The following CTIF variants were observed in gnomAD, a reference collection of about 807,000 sequenced individuals.
CTIF encodes CBP80/20-dependent translation initiation factor.
A neutral mutation model predicts 66.0 loss-of-function variants in CTIF; 21 were observed. The observed-to-expected ratio is 0.32, with a 90% CI of 0.23 to 0.46. The LOEUF is 0.46. CTIF is among the 20% of genes least tolerant of loss of function. CTIF has a pLI of 1.00. For synonymous variants in CTIF, 345 were observed against 326.4 expected, an observed-to-expected ratio of 1.06 and a Z score of -0.62; for missense variants, 739 against 812.7, an observed-to-expected ratio of 0.91 and a Z score of 1.10.
rs1372795453 is a variant in CTIF, at chr18:48,817,140, A to G, written c.1372-81A>G. On this transcript the variant is annotated intron_variant, in intron 9 of 11. Transcript: ENST00000256413. ...GCTGCCCAGGAGCAGCCCCAAGACA[A>G]CAGATGCTCTGCACAGCAGGGTGGC... 2.8e-6 allele frequency: 4 copies of G among 1,414,866 alleles called. No individual in the cohort carries two copies. In the African/African-American group the frequency reaches 5.7e-5, roughly 20 times the overall value. The allele number at this position is 1,414,866 out of a possible 1,614,324, so 87.6% of individuals were successfully genotyped here. A position where few individuals can be genotyped will look rare whatever the true frequency, so the allele number is the denominator to read the frequency against.
intron 1 of CTIF, among the ~76,000 whole-genome samples, chr18:48,596,054 G>T (rs1489226115): frequency 2.0e-5 from 3 of 152,136 alleles, no homozygotes; most frequent in Admixed American, 6.5e-5. Context: ...TACTCTATTT[G>T]TTAGAAGCAA....
intron 7 of CTIF, among the ~76,000 whole-genome samples, chr18:48,743,564 T>C (rs2092572054): frequency 6.6e-6 from 1 of 152,258 alleles, no homozygotes; most frequent in Non-Finnish European, 1.5e-5. Context: ...AATTTCTTTG[T>C]AGAAAATCAT....
chr18:48,675,850 G>A (rs936387585), intron 6 of CTIF, among the ~76,000 whole-genome samples: 2 of 152,298 alleles, frequency 1.3e-5, no homozygotes, highest in Admixed American at 6.5e-5. Flanking sequence ...TGGCTAAGTG[G>A]GGAGATGGAG....
chr18:48,680,363 T>C (rs182386334), intron 6 of CTIF, among the ~76,000 whole-genome samples: 2 of 152,198 alleles, frequency 1.3e-5, no homozygotes, highest in Non-Finnish European at 2.9e-5. Context: ...GACAGTAGGC[T>C]CAAAGAAGGC....
At chr18:48,800,179 C>T (rs1448160435) in intron 9 of CTIF, among the ~76,000 whole-genome samples, 2 of 152,216 alleles carry the variant, frequency 1.3e-5, no homozygotes, top group Non-Finnish European at 2.9e-5. Flanking sequence ...TTCTTCCCCA[C>T]TCTACCAGTA....
At chr18:48,799,841 CAG>C (rs1287115716) in intron 9 of CTIF, among the ~76,000 whole-genome samples, 2 of 152,230 alleles carry the variant, frequency 1.3e-5, no homozygotes, top group Non-Finnish European at 2.9e-5. Context: ...ATAAAGCAGA[CAG>C]AGTTTCTCTG....
At chr18:48,672,031 A>G (rs1343366596) in intron 6 of CTIF, among the ~76,000 whole-genome samples, 1 of 118,416 alleles carries the variant, frequency 8.4e-6, no homozygotes, top group Admixed American at 8.2e-5. Flanking sequence ...ATTGTAGGAA[A>G]TTCTGATTAT....
At chr18:48,611,120 C>T (rs2090300698) in intron 1 of CTIF, among the ~76,000 whole-genome samples, 1 of 152,236 alleles carries the variant, frequency 6.6e-6, no homozygotes, top group Non-Finnish European at 1.5e-5. Context: ...CCCAGTACGT[C>T]ATTCCCCCTT....
At chr18:48,789,980 A>C (rs1307780049) in intron 9 of CTIF, among the ~76,000 whole-genome samples, 4 of 152,094 alleles carry the variant, frequency 2.6e-5, no homozygotes, top group African/African-American at 9.7e-5. Context: ...TCCCCTCTCT[A>C]TGTCCTAGGT....
intron 9 of CTIF, among the ~76,000 whole-genome samples, chr18:48,812,205 C>T (rs1056679501): frequency 2.0e-5 from 3 of 152,174 alleles, no homozygotes; most frequent in African/African-American, 4.8e-5. Flanking sequence ...CTCAAGCGAT[C>T]GACCTGCCTT....
chr18:48,574,814 C>T (rs1226726543), intron 1 of CTIF, among the ~76,000 whole-genome samples: 1 of 152,202 alleles, frequency 6.6e-6, no homozygotes, highest in Non-Finnish European at 1.5e-5. Context: ...TCATTAGACA[C>T]AGCCCTGGAC....
chr18:48,688,350 C>T (rs1338493381), intron 6 of CTIF: 1 of 152,270 alleles, frequency 6.6e-6, no homozygotes, highest in Non-Finnish European at 1.5e-5. Context: ...GCTGGGTATA[C>T]TTGCGATGGG....
Position 48,760,873 on chromosome 18 carries a change from C to T in CTIF, c.1072-517C>T, listed in dbSNP as rs574390283. On this transcript the variant is annotated intron_variant, in intron 8 of 11. Coordinates refer to ENST00000256413, the MANE Select transcript of CTIF (RefSeq NM_014772.3). ...GCCAGGGCTGTGCCCACAGGGGGCC[C>T]TATGCCCAGAGAACAAGTCATCATT... The T allele has an allele frequency of 1.1e-4, 17 of 154,534 alleles. No individual in the cohort carries two copies. The South Asian group carries it at 3.4e-3, about 31-fold the overall frequency. 9.6% of individuals were successfully genotyped at this position (154,534 alleles called of 1,614,324 possible).
chr18:48,603,230 G>T lies in CTIF; in HGVS notation c.-28-16308G>T, dbSNP rs537317613. 2.7e-5 allele frequency among the ~76,000 whole-genome samples: 4 copies of T among 146,626 alleles called. No homozygotes were observed. In the East Asian group the frequency reaches 8.7e-4, roughly 32 times the overall value. On this transcript the variant is annotated intron_variant, in intron 1 of 11. Coordinates refer to ENST00000256413, the MANE Select transcript of CTIF (RefSeq NM_014772.3). ...GACAGATGGATGAATGGGTGGGTGG[G>T]TAGATTGATGGATGGATGAATGGAT...
At chr18:48,697,017 TG>T (rs1480935925) in intron 6 of CTIF, among the ~76,000 whole-genome samples, 1 of 152,230 alleles carries the variant, frequency 6.6e-6, no homozygotes, top group Non-Finnish European at 1.5e-5. Context: ...CTGAGCCTTA[TG>T]GTTAGAGGAC....
intron 10 of CTIF, 71 bp downstream of exon 10, chr18:48,817,447 T>G (rs9951895): frequency 6.6e-7 from 1 of 1,525,282 alleles, no homozygotes; most frequent in East Asian, 2.3e-5. Flanking sequence ...CTCAGATAAC[T>G]GGGACAAAGC....
In CTIF at chr18:48,817,334, C is replaced by T. The variant is rs2068387535; in HGVS notation, c.1485C>T (p.Pro495=). The T allele has an allele frequency of 1.9e-6, 3 of 1,613,358 alleles. No individual in the cohort carries two copies. Among genetic ancestry groups the T allele is most frequent in the Non-Finnish European group, 2.5e-6 (3 of 1,179,886 alleles). ...CCATGCGCAGCAGCACAGGCGAGCC[C>T]TTCCGTGTGCTCGTGTGCCCCATCT... The part of the protein sequence containing the change: ...FGTMRSSTGE[P]FRVLVCPIYT... Residue 495 remains proline (P), a synonymous_variant, in exon 10 of 12, where the codon CCC becomes CCT. Coordinates refer to ENST00000256413, the MANE Select transcript of CTIF (RefSeq NM_014772.3).
intron 7 of CTIF, among the ~76,000 whole-genome samples, chr18:48,736,684 A>T (rs994167662): frequency 2.0e-5 from 3 of 152,218 alleles, no homozygotes; most frequent in African/African-American, 7.2e-5. Context: ...GAATAAAAGC[A>T]ACTCTTGTGG....
chr18:48,595,878 G>T (rs1467372099), intron 1 of CTIF, among the ~76,000 whole-genome samples: 1 of 152,126 alleles, frequency 6.6e-6, no homozygotes, highest in African/African-American at 2.4e-5. Context: ...GTGGTGACAG[G>T]ATTCAGTTCC....
Sources: gnomAD v4.1 joint callset for allele counts (sites outside exome capture counted in the v4.1 genomes callset) on GRCh38, gnomAD v4.1.1 for gene constraint, MANE v1.5 for transcripts, NCBI Gene and HGNC (gene_info 2026-07-23, HGNC 2026-07-21) for gene names.